The following EPOR variants were observed in gnomAD, a reference collection of about 807,000 sequenced individuals.
EPOR encodes the protein erythropoietin receptor.
Under a neutral mutation model 34.3 loss-of-function variants are expected in EPOR, and 20 were observed. The ratio of observed to expected loss-of-function variants is 0.58; its 90% CI spans 0.41 to 0.85. The LOEUF (loss-of-function observed/expected upper bound fraction) is 0.85, where lower values mean the gene tolerates loss of function less well. Among genes scored for constraint, EPOR ranks in the 40% least tolerant of loss-of-function variants. The probability of loss-of-function intolerance (pLI) is 0.00; values close to 1 mark genes in which losing one functional copy is unlikely to be tolerated. For missense variants in EPOR, 601 were observed against 672.7 expected, an observed-to-expected ratio of 0.89 and a Z score of 1.18; for synonymous variants, 312 against 299.0, an observed-to-expected ratio of 1.04 and a Z score of -0.45.
In EPOR at chr19:11,381,187, G is replaced by A; in HGVS notation, c.608C>T (p.Thr203Ile). 1.3e-6 allele frequency: 2 copies of A among 1,550,334 alleles called. No homozygotes were observed. Among genetic ancestry groups the A allele is most frequent in the East Asian group, 2.4e-5 (1 of 41,018 alleles). ...CCGCAGGTTGCTCAGCACACACTCG[G>A]TGCGGCCCTCCAGGATCTCCACCTG... Reference protein sequence around the residue: ...VQRVEILEGRTECVLSNLRGR... With the variant: ...VQRVEILEGRIECVLSNLRGR... Residue 203 changes from threonine (T) to isoleucine (I), a missense_variant, in exon 5 of 8, where the codon ACC (threonine) becomes ATC (isoleucine). Thr to Ile is a moderately conservative substitution (Grantham distance 89). Coordinates refer to ENST00000222139, the MANE Select transcript of EPOR (RefSeq NM_000121.4). The surrounding 1 kb of genome is among the most constrained non-coding windows in gnomAD (Gnocchi z 5.3).
At position 11,383,122 on chromosome 19, in the gene EPOR, T is replaced by A; in HGVS notation, c.226A>T (p.Asn76Tyr). The A allele has an allele frequency of 2.5e-6, 4 of 1,613,744 alleles. No homozygotes were observed. The South Asian group carries it at 4.4e-5, about 18-fold the overall frequency. The change falls in exon 2 of 8, where the codon AAC (asparagine) becomes TAC (tyrosine). Residue 76 changes from asparagine (N) to tyrosine (Y), a missense_variant. By Grantham distance (143) the Asn-to-Tyr change is moderately radical. Coordinates refer to ENST00000222139, the MANE Select transcript of EPOR (RefSeq NM_000121.4). The surrounding 1 kb of genome is among the most constrained non-coding windows in gnomAD (Gnocchi z 4.9). Reference protein sequence around the residue: ...EAASAGVGPGNYSFSYQLEDE... With the variant: ...EAASAGVGPGYYSFSYQLEDE... ...TCGAGCTGGTAGGAGAAGCTGTAGT[T>A]GCCCGGGCCCACCCCAGCGCTCGCC... is the stretch of plus-strand genomic sequence containing the variant.
chr19:11,383,549 G>A lies in EPOR; in HGVS notation c.116-317C>T, dbSNP rs986394024. On this transcript the variant is annotated intron_variant, in intron 1 of 7. Transcript: ENST00000222139. This position sits in a 1 kb window ranked among gnomAD's most constrained non-coding sequence, Gnocchi z 4.9. ...CCCCGCCCCAGCCTAGGACACGCGCGCGGCTGGGGGTGTGTGCGGAGAGGC... is the reference window on the plus strand; with the variant it reads ...CCCCGCCCCAGCCTAGGACACGCGCACGGCTGGGGGTGTGTGCGGAGAGGC... 6.5e-6 allele frequency: 2 copies of A among 309,136 alleles called. No individual in the cohort carries two copies. The highest frequency in any genetic ancestry group is 1.2e-5 in the Non-Finnish European group (2 of 165,136). The allele number at this position is 309,136 out of a possible 1,614,324, so 19.1% of individuals were successfully genotyped here. A position where few individuals can be genotyped will look rare whatever the true frequency, so the allele number is the denominator to read the frequency against.
rs2144694386 is a variant in EPOR, at chr19:11,378,401, C to A, written c.1110G>T (p.Val370=). 6.2e-7 allele frequency: 1 copy of A among 1,613,840 alleles called. No homozygotes were observed. Residue 370 remains valine, a synonymous_variant, in exon 8 of 8, where the codon GTG becomes GTT. Coordinates refer to ENST00000222139, the MANE Select transcript of EPOR (RefSeq NM_000121.4). The surrounding 1 kb of genome is among the most constrained non-coding windows in gnomAD (Gnocchi z 5.3). ...GSEHAQDTYL[V]LDKWLLPRNP... ...TCCGGGGCAGCAACCATTTGTCCAG[C>A]ACCAGATAGGTATCCTGGGCATGCT...
chr19:11,379,834 G>A (rs1330617673), intron 6 of EPOR, among the ~76,000 whole-genome samples: 3 of 152,052 alleles, frequency 2.0e-5, no homozygotes, highest in Non-Finnish European at 4.4e-5. Context: ...CCCGAGTAGC[G>A]GGGATTACAG....
chr19:11,382,144 C>A, intron 2 of EPOR, 39 bp from the exon 3 acceptor site: 3 of 1,590,130 alleles, frequency 1.9e-6, no homozygotes, highest in Non-Finnish European at 2.6e-6. Context: ...GGAGGGGGGA[C>A]CGGGGAGTTG....
At position 11,378,865 on chromosome 19, in the gene EPOR, G is replaced by T; in HGVS notation, c.828-87C>A. ...CTCCACTCCCAGTCATAGAGGCACA[G>T]ATACACTTGGTCCCTGTGATCACAA... On this transcript the variant is annotated intron_variant, in intron 6 of 7. Coordinates refer to ENST00000222139, the MANE Select transcript of EPOR (RefSeq NM_000121.4). The surrounding 1 kb of genome is among the most constrained non-coding windows in gnomAD (Gnocchi z 5.3). 1.5e-6 allele frequency: 2 copies of T among 1,304,836 alleles called. No individual in the cohort carries two copies. The highest frequency in any genetic ancestry group is 2.2e-6 in the Non-Finnish European group (2 of 917,754). 80.8% of individuals were successfully genotyped at this position (1,304,836 alleles called of 1,614,324 possible).
intron 6 of EPOR, 92 bp downstream of exon 6, chr19:11,380,792 G>T: frequency 1.9e-6 from 2 of 1,059,038 alleles, no homozygotes; most frequent in Non-Finnish European, 2.9e-6. Context: ...CCTTGGGCAA[G>T]TGCGTGTCTC....
Position 11,381,929 on chromosome 19 carries a change from C to T in EPOR, c.427+1G>A, listed in dbSNP as rs1378517963. 6.2e-7 allele frequency: 1 copy of T among 1,614,242 alleles called. No homozygotes were observed. On this transcript the variant is annotated splice_donor_variant, in intron 3 of 7. Coordinates refer to ENST00000222139, the MANE Select transcript of EPOR (RefSeq NM_000121.4). LOFTEE classifies it high-confidence loss of function. This position sits in a 1 kb window ranked among gnomAD's most constrained non-coding sequence, Gnocchi z 5.3. ...CACTCCTCCATTCCCAGAGCACTTACCTACTTCATTGATGTGGATGACACG... is the reference window on the plus strand; with the variant it reads ...CACTCCTCCATTCCCAGAGCACTTATCTACTTCATTGATGTGGATGACACG...
rs902138621 is a variant in EPOR at position 11,381,973 on chromosome 19, G to A, written c.384C>T (p.Ser128=). The change falls in exon 3 of 8, where the codon TCC becomes TCT. Residue 128 remains serine, a synonymous_variant. Transcript: ENST00000222139. This position sits in a 1 kb window ranked among gnomAD's most constrained non-coding sequence, Gnocchi z 5.3. ...VPLELRVTAA[S]GAPRYHRVIH... is the part of the protein sequence containing the mutation. Reference sequence around the variant, plus strand: ...TGACACGGTGATATCGCGGAGCGCCGGAGGCTGCTGTGACGCGCAACTCTA... The same window carrying A: ...TGACACGGTGATATCGCGGAGCGCCAGAGGCTGCTGTGACGCGCAACTCTA... 3.1e-6 allele frequency: 5 copies of A among 1,614,080 alleles called. No individual in the cohort carries two copies. Among genetic ancestry groups the A allele is most frequent in the Non-Finnish European group, 4.2e-6 (5 of 1,180,020 alleles).
rs2144694248 is a variant in EPOR, at chr19:11,378,341, G to A, written c.1170C>T (p.Gly390=). ...CATCCATGGCCACTATGTCCACACT[G>A]CCACCAGGCCCTGGGAGGTCCTCAC... ...PPSEDLPGPG[G]SVDIVAMDEG... Residue 390 remains glycine (G), a synonymous_variant, in exon 8 of 8, where the codon GGC becomes GGT. Coordinates refer to ENST00000222139, the MANE Select transcript of EPOR (RefSeq NM_000121.4). This position sits in a 1 kb window ranked among gnomAD's most constrained non-coding sequence, Gnocchi z 5.3. 1.9e-6 allele frequency: 3 copies of A among 1,613,268 alleles called. No individual in the cohort carries two copies. Among genetic ancestry groups the A allele is most frequent in the Non-Finnish European group, 2.5e-6 (3 of 1,180,020 alleles).
Position 11,381,886 on chromosome 19 carries a change from G to T in EPOR, c.428-37C>A. ...GGGGTTGGTCAGGTGGGCGAGGACT[G>T]AGACCCTCTCCTCCGACCACTCCTC... On this transcript the variant is annotated intron_variant, in intron 3 of 7. Coordinates refer to ENST00000222139, the MANE Select transcript of EPOR (RefSeq NM_000121.4). This position sits in a 1 kb window ranked among gnomAD's most constrained non-coding sequence, Gnocchi z 5.3. The T allele has an allele frequency of 6.2e-7, 1 of 1,614,204 alleles. No individual in the cohort carries two copies. The highest frequency in any genetic ancestry group is 1.1e-5 in the South Asian group (1 of 91,084).
rs763877221 is a variant in EPOR at position 11,378,371 on chromosome 19, C to G, written c.1140G>C (p.Pro380=). The change falls in exon 8 of 8, where the codon CCG becomes CCC. Residue 380 remains proline (P), a synonymous_variant. Coordinates refer to ENST00000222139, the MANE Select transcript of EPOR (RefSeq NM_000121.4). This position sits in a 1 kb window ranked among gnomAD's most constrained non-coding sequence, Gnocchi z 5.3. The stretch of plus-strand genomic sequence containing the variant: ...CAGGCCCTGGGAGGTCCTCACTGGG[C>G]GGGTTCCGGGGCAGCAACCATTTGT... ...VLDKWLLPRN[P]PSEDLPGPGG... is the part of the protein sequence containing the mutation. 2.5e-6 allele frequency: 4 copies of G among 1,613,142 alleles called. No homozygotes were observed. Among genetic ancestry groups the G allele is most frequent in the East Asian group, 2.2e-5 (1 of 44,892 alleles).
In EPOR at chr19:11,378,633, A is replaced by G. The variant is rs747143790; in HGVS notation, c.916-38T>C. ...CACCAACCTGCTCAGAGAGGCCTGC[A>G]GTTTGGCTGCAAGAAGCAGGGAAGC... On this transcript the variant is annotated intron_variant, in intron 7 of 7. Coordinates refer to ENST00000222139, the MANE Select transcript of EPOR (RefSeq NM_000121.4). This position sits in a 1 kb window ranked among gnomAD's most constrained non-coding sequence, Gnocchi z 5.3. The G allele has an allele frequency of 6.2e-7, 1 of 1,614,212 alleles. No homozygotes were observed. The highest frequency in any genetic ancestry group is 8.5e-7 in the Non-Finnish European group (1 of 1,180,034).
Position 11,384,177 on chromosome 19 carries a change from G to C in EPOR, c.31C>G (p.Gln11Glu). Reference protein sequence around the residue: MDHLGASLWPQVGSLCLLLAG... With the variant: MDHLGASLWPEVGSLCLLLAG... Reference sequence around the variant, plus strand: ...AGCAGGAGACAAAGGGAGCCGACCTGGGGCCAGAGGGACGCCCCGAGGTGG... The same window carrying C: ...AGCAGGAGACAAAGGGAGCCGACCTCGGGCCAGAGGGACGCCCCGAGGTGG... Residue 11 changes from glutamine (Q) to glutamate (E), a missense_variant, in exon 1 of 8, where the codon CAG becomes GAG. Transcript: ENST00000222139. The C allele has an allele frequency of 6.5e-7, 1 of 1,548,650 alleles. No individual in the cohort carries two copies.
In EPOR at chr19:11,381,818, C is replaced by A; in HGVS notation, c.459G>T (p.Ala153=). 1 of 1,613,970 alleles carries A rather than the reference C, an allele frequency of 6.2e-7. No homozygotes were observed. Among genetic ancestry groups the A allele is most frequent in the Non-Finnish European group, 8.5e-7 (1 of 1,179,910 alleles). Residue 153 remains alanine, a synonymous_variant, in exon 4 of 8, where the codon GCG becomes GCT. Coordinates refer to ENST00000222139, the MANE Select transcript of EPOR (RefSeq NM_000121.4). This position sits in a 1 kb window ranked among gnomAD's most constrained non-coding sequence, Gnocchi z 5.3. ...VLLDAPVGLV[A]RLADESGHVV... is the part of the protein sequence containing the mutation. The stretch of plus-strand genomic sequence containing the variant: ...CGTGGCCGCTCTCGTCAGCCAACCG[C>A]GCCACCAGCCCCACGGGGGCGTCTA...
At chr19:11,379,775 A>G (rs1408010937) in intron 6 of EPOR, among the ~76,000 whole-genome samples, 3 of 149,074 alleles carry the variant, frequency 2.0e-5, no homozygotes, top group African/African-American at 7.5e-5. Flanking sequence ...ATCTCGGCTC[A>G]CCCGCAACCT....
In EPOR at chr19:11,377,732, A is replaced by T. The variant is rs756575984; in HGVS notation, c.*252T>A. On this transcript the variant is annotated 3_prime_UTR_variant, in exon 8 of 8. Transcript: ENST00000222139. The stretch of plus-strand genomic sequence containing the variant: ...ATGCCCAGGGGAAGATGGGACTTAA[A>T]GGGTGTTTGTAGAAATCATGGTAGA... 3.1e-6 allele frequency: 2 copies of T among 638,110 alleles called. No homozygotes were observed. The highest frequency in any genetic ancestry group is 3.0e-5 in the South Asian group (2 of 66,760). The allele number at this position is 638,110 out of a possible 1,614,324, so 39.5% of individuals were successfully genotyped here. A position where few individuals can be genotyped will look rare whatever the true frequency, so the allele number is the denominator to read the frequency against.
Position 11,381,442 on chromosome 19 carries a change from G to A in EPOR, c.586-233C>T. ...TTTAATATCTGGGCTAGCACTCGTA[G>A]AGGGACCCGGGCGCTAAAGGGGTCT... On this transcript the variant is annotated intron_variant, in intron 4 of 7. Coordinates refer to ENST00000222139, the MANE Select transcript of EPOR (RefSeq NM_000121.4). This position sits in a 1 kb window ranked among gnomAD's most constrained non-coding sequence, Gnocchi z 5.3. The A allele has an allele frequency of 1.5e-6, 1 of 666,120 alleles. No homozygotes were observed. Among genetic ancestry groups the A allele is most frequent in the Non-Finnish European group, 2.5e-6 (1 of 394,112 alleles). The allele number at this position is 666,120 out of a possible 1,614,324, so 41.3% of individuals were successfully genotyped here.
rs1457341522 is a variant in EPOR, at chr19:11,382,002, G to A, written c.355C>T (p.Pro119Ser). ...LPTADTSSFV[P>S]LELRVTAASG... is the part of the protein sequence containing the mutation. ...GCTGCTGTGACGCGCAACTCTAGGG[G>A]CACGAAGCTCGACGTGTCGGCTGTA... The change falls in exon 3 of 8, where the codon CCC becomes TCC. Residue 119 changes from proline to serine, a missense_variant. Transcript: ENST00000222139. 1.2e-6 allele frequency: 2 copies of A among 1,614,132 alleles called. No homozygotes were observed. The highest frequency in any genetic ancestry group is 1.7e-6 in the Non-Finnish European group (2 of 1,180,052).
Sources: allele counts gnomAD v4.1 joint callset (sites outside exome capture counted in the v4.1 genomes callset), GRCh38; gene constraint gnomAD v4.1.1; non-coding constraint Gnocchi (gnomAD v3.1); transcripts MANE v1.5; gene names NCBI Gene and HGNC (gene_info 2026-07-23, HGNC 2026-07-21).